Variants in NIBAN1 observed in about 807,000 individuals in gnomAD.
The protein encoded by NIBAN1 is protein Niban 1.
A neutral mutation model predicts 75.1 loss-of-function variants in NIBAN1; 81 were observed. The ratio of observed to expected loss-of-function variants is 1.08; its 90% CI spans 0.90 to 1.30. NIBAN1 has a LOEUF of 1.30. Ranked by LOEUF, NIBAN1 falls within the 50% of genes most tolerant of loss-of-function variation. The pLI, the probability that NIBAN1 is intolerant of heterozygous loss-of-function variation, is 0.00. For synonymous variants in NIBAN1, 436 were observed against 424.8 expected (o/e 1.03, Z -0.32); for missense variants, 1,133 against 1,128.1 (o/e 1.00, Z -0.06).
chr1:184,852,512 A>G (rs550453280), intron 5 of NIBAN1, among the ~76,000 whole-genome samples: 5 of 152,266 alleles, frequency 3.3e-5, no homozygotes, highest in Non-Finnish European at 7.4e-5. Context: ...AAAACTGGCC[A>G]CTATTTCCAC....
intron 1 of NIBAN1, among the ~76,000 whole-genome samples, chr1:184,939,971 C>T (rs561529548): frequency 7.2e-5 from 11 of 152,242 alleles, no homozygotes; most frequent in South Asian, 4.1e-4. Flanking sequence ...TATCTGGTTC[C>T]GGGAGTGTCT....
chr1:184,852,569 C>T lies in NIBAN1; in HGVS notation c.602-20607G>A, dbSNP rs546744892. On this transcript the variant is annotated intron_variant, in intron 5 of 13. Transcript: ENST00000367511. ...ACTCGAGGTGAGTTACTTTGCTTCT[C>T]TGGGCCTAATCTCTCATTTCAAGTG... 7.2e-5 allele frequency among the ~76,000 whole-genome samples: 11 copies of T among 152,316 alleles called. No homozygotes were observed. The South Asian group carries it at 1.7e-3, about 23-fold the overall frequency.
At chr1:184,847,587 C>A (rs1571515626) in intron 5 of NIBAN1, among the ~76,000 whole-genome samples, 1 of 9,152 alleles carries the variant, frequency 1.1e-4, no homozygotes, top group African/African-American at 1.5e-3. Flanking sequence ...AAATCACCAG[C>A]TAACATCATA....
At chr1:184,911,277 T>G (rs766159323) in intron 1 of NIBAN1, among the ~76,000 whole-genome samples, 1 of 152,182 alleles carries the variant, frequency 6.6e-6, no homozygotes, top group East Asian at 1.9e-4. Flanking sequence ...AGTTCTAAAG[T>G]TTACCAGTAG....
In NIBAN1 at chr1:184,909,349, T is replaced by C. The variant is rs1043676616; in HGVS notation, c.56-10040A>G. The stretch of plus-strand genomic sequence containing the variant: ...CATTTTTCTTCTCTCCACACAGACA[T>C]ACATTTGTTTGAAATGCTTGCTTTA... On this transcript the variant is annotated intron_variant, in intron 1 of 13. Transcript: ENST00000367511. Among the ~76,000 whole-genome samples the C allele has an allele frequency of 2.6e-5, 4 of 152,202 alleles. No homozygotes were observed. In the East Asian group the frequency reaches 7.7e-4, roughly 29 times the overall value.
intron 5 of NIBAN1, among the ~76,000 whole-genome samples, chr1:184,865,567 A>G (rs1394623425): frequency 6.6e-6 from 1 of 152,198 alleles, no homozygotes; most frequent in African/African-American, 2.4e-5. Context: ...TACCAATGTA[A>G]CAAATCTGCA....
chr1:184,804,960 T>G (rs1443503304), intron 11 of NIBAN1, among the ~76,000 whole-genome samples: 5 of 152,106 alleles, frequency 3.3e-5, no homozygotes, highest in Non-Finnish European at 7.4e-5. Flanking sequence ...GGCTAGTTTT[T>G]TGTATTTTTA....
At chr1:184,921,824 A>G (rs1315415749) in intron 1 of NIBAN1, among the ~76,000 whole-genome samples, 2 of 152,228 alleles carry the variant, frequency 1.3e-5, no homozygotes, top group Non-Finnish European at 2.9e-5. Context: ...CTAATAAGGC[A>G]ATTTAGCTAA....
chr1:184,916,602 T>C (rs923413810), intron 1 of NIBAN1, among the ~76,000 whole-genome samples: 3 of 152,060 alleles, frequency 2.0e-5, no homozygotes, highest in African/African-American at 7.2e-5. Flanking sequence ...AATGAGGGGT[T>C]TTTTTTAAGT....
intron 3 of NIBAN1, among the ~76,000 whole-genome samples, 182 bp from the exon 4 acceptor site, chr1:184,890,404 T>C (rs1331331863): frequency 6.6e-6 from 1 of 152,220 alleles, no homozygotes; most frequent in Non-Finnish European, 1.5e-5. Context: ...GGCAAGGTAA[T>C]ATTTTAATAC....
At chr1:184,974,245 A>G (rs1659015880) in intron 1 of NIBAN1, 57 bp downstream of exon 1, 2 of 1,435,858 alleles carry the variant, frequency 1.4e-6, no homozygotes. Context: ...CGACCGCGGC[A>G]GCCAGCCTGG....
chr1:184,791,122 G>A lies in NIBAN1; in HGVS notation c.*3855C>T, dbSNP rs1368684681. On this transcript the variant is annotated 3_prime_UTR_variant, in exon 14 of 14. Coordinates refer to ENST00000367511, the MANE Select transcript of NIBAN1 (RefSeq NM_052966.4). Reference sequence around the variant, plus strand: ...TTTAAGTTTATTTGCTTTATATAGTGACCGGGAAAGTCAATCCACAGTGTC... The same window carrying A: ...TTTAAGTTTATTTGCTTTATATAGTAACCGGGAAAGTCAATCCACAGTGTC... 2.2e-6 allele frequency: 1 copy of A among 451,800 alleles called. No individual in the cohort carries two copies. The highest frequency in any genetic ancestry group is 4.5e-6 in the Non-Finnish European group (1 of 220,648). 28.0% of individuals were successfully genotyped at this position (451,800 alleles called of 1,614,324 possible).
intron 1 of NIBAN1, among the ~76,000 whole-genome samples, chr1:184,935,971 G>A (rs185909181): frequency 1.3e-5 from 2 of 148,552 alleles, no homozygotes; most frequent in Admixed American, 6.7e-5. Flanking sequence ...CAGGATTTCA[G>A]AGCTGACGAA....
intron 5 of NIBAN1, among the ~76,000 whole-genome samples, chr1:184,844,865 G>GA (rs2102256687): frequency 6.6e-6 from 1 of 152,334 alleles, no homozygotes; most frequent in East Asian, 1.9e-4. Flanking sequence ...GCCCTGATCA[G>GA]AAAGGTGAGA....
intron 13 of NIBAN1, among the ~76,000 whole-genome samples, chr1:184,796,671 A>AT (rs2102177551): frequency 6.6e-6 from 1 of 152,344 alleles, no homozygotes; most frequent in African/African-American, 2.4e-5. Flanking sequence ...AGCAGGTGAC[A>AT]TTTTTGACCA....
intron 9 of NIBAN1, among the ~76,000 whole-genome samples, chr1:184,815,887 TA>T (rs1412012922): frequency 1.3e-5 from 2 of 152,192 alleles, no homozygotes; most frequent in Non-Finnish European, 2.9e-5. Flanking sequence ...AGGCAATAAT[TA>T]GAAATGTCTC....
At chr1:184,922,035 A>G (rs1249417781) in intron 1 of NIBAN1, among the ~76,000 whole-genome samples, 2 of 152,224 alleles carry the variant, frequency 1.3e-5, no homozygotes, top group African/African-American at 4.8e-5. Flanking sequence ...TGATGAGAGT[A>G]GAAGGAATTA....
At chr1:184,968,858 T>G (rs1051645182) in intron 1 of NIBAN1, among the ~76,000 whole-genome samples, 8 of 152,156 alleles carry the variant, frequency 5.3e-5, no homozygotes. Flanking sequence ...GGTATGGAGG[T>G]TCTTCTCTAT....
chr1:184,899,628 A>T (rs1656894184), intron 1 of NIBAN1, among the ~76,000 whole-genome samples: 1 of 152,048 alleles, frequency 6.6e-6, no homozygotes, highest in Non-Finnish European at 1.5e-5. Context: ...TTCTATCAAT[A>T]GACTATCGCC....
Sources: allele counts gnomAD v4.1 joint callset (sites outside exome capture counted in the v4.1 genomes callset), GRCh38; gene constraint gnomAD v4.1.1; transcripts MANE v1.5; gene names NCBI Gene and HGNC (gene_info 2026-07-23, HGNC 2026-07-21).